The following SLC41A2 variants were observed in gnomAD, a reference collection of about 807,000 sequenced individuals.
SLC41A2 encodes the protein SLC41A1-like 1.
In SLC41A2, 32 loss-of-function variants were observed where a neutral mutation model predicts 58.3. That is an observed-to-expected ratio of 0.55 (90% CI 0.41 to 0.74). The LOEUF is 0.74. SLC41A2 is among the 30% of genes least tolerant of loss of function. The pLI, the probability that SLC41A2 is intolerant of heterozygous loss-of-function variation, is 0.00. For missense variants in SLC41A2, 514 were observed against 680.6 expected (o/e 0.76, Z 2.72); for synonymous variants, 190 against 235.0 (o/e 0.81, Z 1.75).
chr12:104,935,995 G>A (rs1254951212), intron 1 of SLC41A2, among the ~76,000 whole-genome samples: 2 of 151,266 alleles, frequency 1.3e-5, no homozygotes, highest in African/African-American at 2.4e-5. Context: ...GTGAGCCAAG[G>A]TTACACCACT....
At chr12:104,828,951 T>C (rs2041948030) in intron 10 of SLC41A2, among the ~76,000 whole-genome samples, 1 of 152,176 alleles carries the variant, frequency 6.6e-6, no homozygotes, top group Non-Finnish European at 1.5e-5. Flanking sequence ...ACCATGATAC[T>C]ACCTTTACAG....
chr12:104,809,457 T>G (rs1229930205), intron 10 of SLC41A2, among the ~76,000 whole-genome samples: 2 of 152,240 alleles, frequency 1.3e-5, no homozygotes, highest in Non-Finnish European at 2.9e-5. Context: ...TTACATGCCT[T>G]TGGACATCTG....
At chr12:104,939,030 A>T (rs1421846943) in intron 1 of SLC41A2, among the ~76,000 whole-genome samples, 4 of 152,244 alleles carry the variant, frequency 2.6e-5, no homozygotes, top group Non-Finnish European at 5.9e-5. Flanking sequence ...AAAGGACAAA[A>T]TCTCAGACTA....
chr12:104,925,601 T>C (rs758486930), intron 2 of SLC41A2, among the ~76,000 whole-genome samples: 19 of 152,116 alleles, frequency 1.2e-4, no homozygotes, highest in Non-Finnish European at 2.2e-4. Context: ...CTACAATGTT[T>C]AACACTAAAG....
chr12:104,900,304 G>T (rs1183367152), intron 3 of SLC41A2, among the ~76,000 whole-genome samples: 2 of 152,050 alleles, frequency 1.3e-5, no homozygotes, highest in Non-Finnish European at 2.9e-5. Flanking sequence ...ATTTCATTCT[G>T]CCATTAATTA....
Position 104,928,038 on chromosome 12 carries a change from G to A in SLC41A2, c.490C>T (p.Leu164Phe). The A allele has an allele frequency of 3.1e-6, 5 of 1,614,048 alleles. No individual in the cohort carries two copies. The highest frequency in any genetic ancestry group is 4.2e-6 in the Non-Finnish European group (5 of 1,179,970). ...ESSGIMALQI[L>F]VPFLLAGFGT... ...AAACCAGCTAGCAAAAAGGGCACAA[G>A]TATTTGCAATGCCATGATGCCACTG... The change falls in exon 2 of 11, where the codon CTT becomes TTT. Residue 164 changes from leucine (L) to phenylalanine (F), a missense_variant. Leu to Phe is a conservative substitution (Grantham distance 22). Around this residue, in one of 3 missense-constraint regions of SLC41A2, gnomAD observed 336 missense variants for 430.0 expected, o/e 0.78. Transcript: ENST00000258538.
intron 10 of SLC41A2, among the ~76,000 whole-genome samples, chr12:104,841,352 T>C (rs2042404108): frequency 6.6e-6 from 1 of 151,998 alleles, no homozygotes; most frequent in Non-Finnish European, 1.5e-5. Flanking sequence ...TGTGATTTCT[T>C]GTACCTAAAT....
chr12:104,933,187 A>T (rs1049792644), intron 1 of SLC41A2, among the ~76,000 whole-genome samples: 1 of 152,210 alleles, frequency 6.6e-6, no homozygotes, highest in Non-Finnish European at 1.5e-5. Context: ...AGCAAGAAAA[A>T]AACAAATGAT....
chr12:104,917,293 T>C lies in SLC41A2; in HGVS notation c.556-7531A>G, dbSNP rs922998813. On this transcript the variant is annotated intron_variant, in intron 2 of 10. Coordinates refer to ENST00000258538, the MANE Select transcript of SLC41A2 (RefSeq NM_001352171.3). ...CAATGAGATACCATCTCACACCAGT[T>C]AGAATGGCAATCATTAAAAAGTCAG... Among the ~76,000 whole-genome samples, 1,319 of 150,988 alleles carry C rather than the reference T, an allele frequency of 8.7e-3. 16 individuals are homozygous for C. The highest frequency in any genetic ancestry group is 0.029 in the African/African-American group (1,215 of 41,446).
chr12:104,861,989 C>G (rs2043232090), intron 7 of SLC41A2, among the ~76,000 whole-genome samples: 1 of 152,178 alleles, frequency 6.6e-6, no homozygotes, highest in Admixed American at 6.5e-5. Context: ...CATACACTCT[C>G]AATGTGTCAG....
intron 5 of SLC41A2, among the ~76,000 whole-genome samples, chr12:104,887,656 A>G (rs188187221): frequency 7.1e-4 from 108 of 152,170 alleles, no homozygotes; most frequent in African/African-American, 2.4e-3. Context: ...GAAGATGTAT[A>G]TGGGAAGTTC....
intron 2 of SLC41A2, among the ~76,000 whole-genome samples, chr12:104,919,386 G>C (rs980346197): frequency 1.3e-5 from 2 of 152,184 alleles, no homozygotes; most frequent in African/African-American, 4.8e-5. Context: ...TATGTCACAT[G>C]GTAGTTAATA....
intron 8 of SLC41A2, among the ~76,000 whole-genome samples, chr12:104,849,082 C>A (rs925935319): frequency 1.3e-5 from 2 of 152,080 alleles, no homozygotes; most frequent in Non-Finnish European, 2.9e-5. Context: ...GATTAAAGAC[C>A]TCGTGCAAAA....
chr12:104,861,440 C>G lies in SLC41A2; in HGVS notation c.1176-70G>C, dbSNP rs1217695253. 7.1e-6 allele frequency: 6 copies of G among 839,982 alleles called. No homozygotes were observed. The East Asian group carries it at 1.6e-4, about 23-fold the overall frequency. 52.0% of individuals were successfully genotyped at this position (839,982 alleles called of 1,614,324 possible). ...CATACTTGAAGTTATTCTGTACATA[C>G]AGACACCCCTCCTTTTTAAAATAAA... On this transcript the variant is annotated intron_variant, in intron 7 of 10. Coordinates refer to ENST00000258538, the MANE Select transcript of SLC41A2 (RefSeq NM_001352171.3).
At chr12:104,893,038 G>A (rs1401557038) in intron 4 of SLC41A2, among the ~76,000 whole-genome samples, 1 of 151,998 alleles carries the variant, frequency 6.6e-6, no homozygotes, top group East Asian at 1.9e-4. Flanking sequence ...GCACAGCAAA[G>A]GAAACAATCA....
intron 4 of SLC41A2, among the ~76,000 whole-genome samples, chr12:104,893,154 G>A (rs1593088038): frequency 6.6e-6 from 1 of 151,826 alleles, no homozygotes; most frequent in Non-Finnish European, 1.5e-5. Context: ...CAAATCTATA[G>A]GAAAAAAAAT....
At chr12:104,922,935 T>C (rs2046663143) in intron 2 of SLC41A2, among the ~76,000 whole-genome samples, 1 of 151,622 alleles carries the variant, frequency 6.6e-6, no homozygotes, top group Admixed American at 6.6e-5. Context: ...ACCAATGAAA[T>C]GAAGAAATTA....
At chr12:104,933,995 C>T (rs940951933) in intron 1 of SLC41A2, among the ~76,000 whole-genome samples, 7 of 151,766 alleles carry the variant, frequency 4.6e-5, no homozygotes, top group African/African-American at 1.5e-4. Context: ...GTGATGGGTG[C>T]GCTATCCCAG....
chr12:104,908,817 A>G (rs2045959671), intron 3 of SLC41A2, among the ~76,000 whole-genome samples: 1 of 152,226 alleles, frequency 6.6e-6, no homozygotes, highest in African/African-American at 2.4e-5. Flanking sequence ...TATGTAGCTA[A>G]AGACTTAAAA....
Sources: gnomAD v4.1 joint callset for allele counts (sites outside exome capture counted in the v4.1 genomes callset) on GRCh38, gnomAD v4.1.1 for gene constraint, gnomAD v4.1.1 regional missense constraint, MANE v1.5 for transcripts, NCBI Gene and HGNC (gene_info 2026-07-23, HGNC 2026-07-21) for gene names.